The following PRDM16 variants were observed in gnomAD, a reference collection of about 807,000 sequenced individuals.
The protein encoded by PRDM16 is histone-lysine N-methyltransferase PRDM16.
PRDM16 carries 23 observed loss-of-function variants against 110.6 expected under a neutral mutation model. That is an observed-to-expected ratio of 0.21 (90% CI 0.15 to 0.29). The LOEUF (loss-of-function observed/expected upper bound fraction) is 0.29. PRDM16 is among the 10% of genes least tolerant of loss of function. The pLI is 1.00. For synonymous variants in PRDM16, 799 were observed against 781.8 expected (o/e 1.02, Z -0.37); for missense variants, 1,615 against 1,794.3 (o/e 0.90, Z 1.81).
At chr1:3,408,240 C>T (rs1643594038) in intron 8 of PRDM16, among the ~76,000 whole-genome samples, 1 of 152,234 alleles carries the variant, frequency 6.6e-6, no homozygotes, top group African/African-American at 2.4e-5. Flanking sequence ...TAAGCCCCCA[C>T]CTCACTGGCC....
chr1:3,220,766 G>T (rs956794310), intron 2 of PRDM16, among the ~76,000 whole-genome samples: 2 of 152,204 alleles, frequency 1.3e-5, no homozygotes, highest in African/African-American at 4.8e-5. Context: ...GCAGCCCAGG[G>T]TGCAGGGCTC....
At chr1:3,096,820 T>C (rs1642411962) in intron 1 of PRDM16, among the ~76,000 whole-genome samples, 1 of 152,210 alleles carries the variant, frequency 6.6e-6, no homozygotes, top group South Asian at 2.1e-4. Context: ...CTGTCTTTCC[T>C]TGTGCCAAGG....
chr1:3,308,893 T>C (rs1557596612), intron 3 of PRDM16: 1 of 152,188 alleles, frequency 6.6e-6, no homozygotes, highest in African/African-American at 2.4e-5. Flanking sequence ...TAATTCGCCA[T>C]GATGGTGCCC....
intron 2 of PRDM16, among the ~76,000 whole-genome samples, chr1:3,200,854 A>G (rs1041375413): frequency 2.6e-5 from 4 of 152,082 alleles, no homozygotes; most frequent in African/African-American, 9.7e-5. Context: ...CTCAGCACAG[A>G]GCTTCAGACC....
Position 3,434,039 on chromosome 1 carries a change from C to T in PRDM16, c.*228C>T, listed in dbSNP as rs1638845023. 1 of 501,704 alleles carries T rather than the reference C, an allele frequency of 2.0e-6. No homozygotes were observed. Among genetic ancestry groups the T allele is most frequent in the Non-Finnish European group, 3.5e-6 (1 of 285,702 alleles). 31.1% of individuals were successfully genotyped at this position (501,704 alleles called of 1,614,324 possible). A position where few individuals can be genotyped will look rare whatever the true frequency, so the allele number is the denominator to read the frequency against. ...AAGGATTGGTCTTGAGAACACTGTT[C>T]AGTGACGGCCATGCAGGTGGCCGTC... On this transcript the variant is annotated 3_prime_UTR_variant, in exon 17 of 17. Coordinates refer to ENST00000270722, the MANE Select transcript of PRDM16 (RefSeq NM_022114.4).
chr1:3,156,964 C>A (rs745320057), intron 1 of PRDM16, among the ~76,000 whole-genome samples: 2 of 152,194 alleles, frequency 1.3e-5, no homozygotes, highest in Non-Finnish European at 2.9e-5. Flanking sequence ...ACGGAGGGTG[C>A]TGTAGGACTA....
intron 3 of PRDM16, among the ~76,000 whole-genome samples, chr1:3,258,159 A>G (rs1281681088): frequency 6.6e-6 from 1 of 152,202 alleles, no homozygotes; most frequent in Non-Finnish European, 1.5e-5. Context: ...GAAGGCAAGT[A>G]TCTACCGTCC....
intron 1 of PRDM16, among the ~76,000 whole-genome samples, chr1:3,179,626 C>G (rs1388369304): frequency 6.6e-6 from 1 of 152,352 alleles, no homozygotes; most frequent in African/African-American, 2.4e-5. Flanking sequence ...GAGTGCCCAC[C>G]CGGCTGCCAA....
rs769704263 is a variant in PRDM16 at position 3,186,163 on chromosome 1, C to T, written c.76C>T (p.Arg26Trp). Residue 26 changes from arginine (R) to tryptophan (W), a missense_variant, in exon 2 of 17, where the codon CGG becomes TGG. This residue lies in a region of PRDM16 where 416 missense variants were observed against 467.1 expected (regional missense o/e 0.89). Transcript: ENST00000270722. ...DVVNNMYEPN[R>W]DLLASHSAED... ...TGTAAATAATATGTATGAGCCCAAC[C>T]GGGACCTGCTGGCCAGCCACAGCGC... 83 of 1,612,692 alleles carry T rather than the reference C, an allele frequency of 5.1e-5. No individual in the cohort carries two copies. Among genetic ancestry groups the T allele is most frequent in the Middle Eastern group, 4.9e-4 (3 of 6,084 alleles).
Position 3,434,025 on chromosome 1 carries a change from T to C in PRDM16, c.*214T>C. On this transcript the variant is annotated 3_prime_UTR_variant, in exon 17 of 17. Transcript: ENST00000270722. ...GTCTCACCATCTCCAAGGATTGGTCTTGAGAACACTGTTCAGTGACGGCCA... is the reference window on the plus strand; with the variant it reads ...GTCTCACCATCTCCAAGGATTGGTCCTGAGAACACTGTTCAGTGACGGCCA... The C allele has an allele frequency of 1.8e-6, 1 of 558,574 alleles. No homozygotes were observed. Among genetic ancestry groups the C allele is most frequent in the Non-Finnish European group, 3.1e-6 (1 of 318,538 alleles). The allele number at this position is 558,574 out of a possible 1,614,324, so 34.6% of individuals were successfully genotyped here.
chr1:3,181,270 G>GCA (rs1185678930), intron 1 of PRDM16, among the ~76,000 whole-genome samples: 2 of 132,820 alleles, frequency 1.5e-5, no homozygotes, highest in African/African-American at 2.9e-5. Context: ...TCTTACACAC[G>GCA]GCCTTACGCA....
At chr1:3,278,970 G>A (rs1016728121) in intron 3 of PRDM16, among the ~76,000 whole-genome samples, 3 of 152,332 alleles carry the variant, frequency 2.0e-5, no homozygotes, top group East Asian at 3.9e-4. Context: ...ACACGGTGCC[G>A]AGCGCGGCGC....
At chr1:3,200,251 A>G (rs1050886210) in intron 2 of PRDM16, among the ~76,000 whole-genome samples, 3 of 152,140 alleles carry the variant, frequency 2.0e-5, no homozygotes, top group Non-Finnish European at 4.4e-5. Context: ...GCTGCCCTGG[A>G]TGGGGGCTGA....
intron 3 of PRDM16, among the ~76,000 whole-genome samples, chr1:3,283,278 C>T (rs1180104301): frequency 1.3e-5 from 2 of 152,194 alleles, no homozygotes; most frequent in Non-Finnish European, 2.9e-5. Flanking sequence ...AATGTCTGTC[C>T]AGGCCTTGGC....
At chr1:3,247,147 G>A (rs1337063308) in intron 3 of PRDM16, among the ~76,000 whole-genome samples, 1 of 152,186 alleles carries the variant, frequency 6.6e-6, no homozygotes. Flanking sequence ...GGAACATGAC[G>A]GGGGTGGCTG....
At chr1:3,122,631 C>T (rs1643118929) in intron 1 of PRDM16, among the ~76,000 whole-genome samples, 4 of 152,136 alleles carry the variant, frequency 2.6e-5, no homozygotes, top group African/African-American at 7.2e-5. Flanking sequence ...TGAACCGTCT[C>T]GACTCAGCAA....
At chr1:3,196,653 C>T (rs1160497144) in intron 2 of PRDM16, among the ~76,000 whole-genome samples, 7 of 152,334 alleles carry the variant, frequency 4.6e-5, no homozygotes, top group Non-Finnish European at 1.5e-5. Flanking sequence ...CACCCAATTC[C>T]AGGCCACATT....
At chr1:3,409,230 TGA>T (rs1455144038) in intron 8 of PRDM16, among the ~76,000 whole-genome samples, 2 of 151,322 alleles carry the variant, frequency 1.3e-5, no homozygotes, top group African/African-American at 4.9e-5. Context: ...CGTGTGGGTG[TGA>T]GAGTGTGTGA....
At chr1:3,138,649 C>T (rs1375276655) in intron 1 of PRDM16, among the ~76,000 whole-genome samples, 1 of 152,228 alleles carries the variant, frequency 6.6e-6, no homozygotes, top group Non-Finnish European at 1.5e-5. Context: ...CCCTTCCTTT[C>T]TGAATATGGT....
Sources: allele counts gnomAD v4.1 joint callset (sites outside exome capture counted in the v4.1 genomes callset), GRCh38; gene constraint gnomAD v4.1.1; regional missense constraint gnomAD v4.1.1; transcripts MANE v1.5; gene names NCBI Gene and HGNC (gene_info 2026-07-23, HGNC 2026-07-21).